FHIT: variants seen among roughly 807,000 people sequenced by gnomAD.
FHIT encodes bis(5'-adenosyl)-triphosphatase.
A neutral mutation model predicts 17.9 loss-of-function variants in FHIT; 19 were observed. The ratio of observed to expected loss-of-function variants is 1.06; its 90% CI spans 0.74 to 1.56. The LOEUF (loss-of-function observed/expected upper bound fraction) is 1.56. Among genes scored for constraint, FHIT ranks in the 40% most tolerant of loss-of-function variants. The pLI is 0.00. For missense variants in FHIT, 248 were observed against 189.2 expected (o/e 1.31, Z -1.82); for synonymous variants, 81 against 69.7 (o/e 1.16, Z -0.81).
At chr3:59,861,928 T>TC (rs1365131729) in intron 8 of FHIT, among the ~76,000 whole-genome samples, 1 of 152,138 alleles carries the variant, frequency 6.6e-6, no homozygotes, top group Non-Finnish European at 1.5e-5. Context: ...GTGTGTTTTT[T>TC]CCCCAAAGGA....
intron 5 of FHIT, among the ~76,000 whole-genome samples, chr3:60,206,206 T>C (rs1232223767): frequency 6.6e-6 from 1 of 150,682 alleles, no homozygotes; most frequent in Non-Finnish European, 1.5e-5. Context: ...AGGTAGATGA[T>C]CTTCCAGTAA....
intron 4 of FHIT, among the ~76,000 whole-genome samples, chr3:60,682,857 C>T (rs1204958723): frequency 1.3e-5 from 2 of 152,106 alleles, no homozygotes; most frequent in African/African-American, 4.8e-5. Context: ...AAGGATTCAC[C>T]ATGCTGGATG....
At chr3:60,638,889 G>T (rs782722046) in intron 4 of FHIT, among the ~76,000 whole-genome samples, 10 of 151,276 alleles carry the variant, frequency 6.6e-5, no homozygotes, top group Non-Finnish European at 1.2e-4. Flanking sequence ...TTGGGGGTGG[G>T]AATGGAGGGC....
At chr3:60,299,793 G>A (rs62248495) in intron 5 of FHIT, among the ~76,000 whole-genome samples, 14,620 of 152,116 alleles carry the variant, frequency 0.096, 899 homozygotes, top group South Asian at 0.14. Context: ...TCCCAGTGAC[G>A]ATAGTAGTTT....
intron 4 of FHIT, among the ~76,000 whole-genome samples, chr3:60,546,547 TCTA>T (rs1449638986): frequency 6.6e-6 from 1 of 152,212 alleles, no homozygotes; most frequent in Non-Finnish European, 1.5e-5. Context: ...CCCCACTTAC[TCTA>T]CTGATTGTAT....
At chr3:60,746,705 T>C (rs376505301) in intron 4 of FHIT, among the ~76,000 whole-genome samples, 4 of 152,272 alleles carry the variant, frequency 2.6e-5, no homozygotes, top group African/African-American at 9.6e-5. Context: ...CTGTTTCTGT[T>C]TTACTTGTAG....
At chr3:60,538,926 C>T (rs1442131887) in intron 4 of FHIT, among the ~76,000 whole-genome samples, 2 of 151,848 alleles carry the variant, frequency 1.3e-5, no homozygotes, top group African/African-American at 4.8e-5. Flanking sequence ...GCAACAAAAG[C>T]CAAAATTGAC....
intron 1 of FHIT, among the ~76,000 whole-genome samples, chr3:61,209,163 G>C (rs1560076445): frequency 6.6e-6 from 1 of 152,162 alleles, no homozygotes; most frequent in African/African-American, 2.4e-5. Context: ...CTTCTGGCTT[G>C]TAGAGTTTCT....
intron 5 of FHIT, among the ~76,000 whole-genome samples, chr3:60,179,252 G>C (rs1195002996): frequency 6.6e-6 from 1 of 152,182 alleles, no homozygotes; most frequent in East Asian, 1.9e-4. Flanking sequence ...AAAGTTCATA[G>C]ATGCCACACA....
chr3:60,714,785 G>C (rs1301186515), intron 4 of FHIT, among the ~76,000 whole-genome samples: 25 of 152,202 alleles, frequency 1.6e-4, no homozygotes, highest in African/African-American at 5.8e-4. Context: ...AAATAAAAGA[G>C]GATACAAACA....
chr3:59,831,313 T>C (rs912776837), intron 8 of FHIT, among the ~76,000 whole-genome samples: 4 of 152,180 alleles, frequency 2.6e-5, no homozygotes, highest in African/African-American at 7.2e-5. Flanking sequence ...GTAATAATCA[T>C]TTTCTGAGTG....
chr3:60,866,038 G>A (rs1704144705), intron 3 of FHIT, among the ~76,000 whole-genome samples: 1 of 152,108 alleles, frequency 6.6e-6, no homozygotes, highest in Non-Finnish European at 1.5e-5. Flanking sequence ...TGCTCAGATG[G>A]AGGCCCTGAA....
At chr3:60,803,592 A>G (rs1269118490) in intron 4 of FHIT, among the ~76,000 whole-genome samples, 1 of 152,142 alleles carries the variant, frequency 6.6e-6, no homozygotes, top group Admixed American at 6.5e-5. Flanking sequence ...TGGGTGGCTG[A>G]GGGTGGTGTG....
chr3:60,495,345 CTT>C (rs1053147364), intron 5 of FHIT, among the ~76,000 whole-genome samples: 1 of 152,138 alleles, frequency 6.6e-6, no homozygotes, highest in African/African-American at 2.4e-5. Flanking sequence ...AGGGAATACT[CTT>C]AAAGAAGAAA....
At chr3:59,796,950 T>C (rs1699801384) in intron 8 of FHIT, among the ~76,000 whole-genome samples, 1 of 152,202 alleles carries the variant, frequency 6.6e-6, no homozygotes, top group Non-Finnish European at 1.5e-5. Context: ...AAAGTGAGAT[T>C]TGAAATTTTA....
chr3:59,825,372 C>T (rs1437303499), intron 8 of FHIT, among the ~76,000 whole-genome samples: 3 of 152,162 alleles, frequency 2.0e-5, no homozygotes, highest in Admixed American at 6.5e-5. Flanking sequence ...GTTAATGGCA[C>T]TTTCATTTAT....
chr3:60,381,243 T>C (rs1329246826), intron 5 of FHIT, among the ~76,000 whole-genome samples: 1 of 152,050 alleles, frequency 6.6e-6, no homozygotes, highest in Non-Finnish European at 1.5e-5. Flanking sequence ...TTTGGGAGGC[T>C]GAGGTGGGCA....
intron 5 of FHIT, among the ~76,000 whole-genome samples, chr3:60,373,035 A>G (rs1700399688): frequency 1.2e-5 from 1 of 84,718 alleles, no homozygotes; most frequent in African/African-American, 3.2e-5. Context: ...TATGAAATTT[A>G]TTTATTTATT....
chr3:59,885,364 G>C (rs1703576601), intron 8 of FHIT, among the ~76,000 whole-genome samples: 1 of 151,822 alleles, frequency 6.6e-6, no homozygotes, highest in African/African-American at 2.4e-5. Context: ...TAGTCTGAAG[G>C]ATACAGTGAC....
Sources: gnomAD v4.1 joint callset for allele counts (sites outside exome capture counted in the v4.1 genomes callset) on GRCh38, gnomAD v4.1.1 for gene constraint, MANE v1.5 for transcripts, NCBI Gene and HGNC (gene_info 2026-07-23, HGNC 2026-07-21) for gene names.